The following BLTP1 variants were observed in gnomAD, a reference collection of about 807,000 sequenced individuals.
BLTP1 encodes the protein fragile site-associated protein.
At chr4:122,280,265 A>G in the BLTP1 span, 2 of 837,044 alleles carry the variant, frequency 2.4e-6, no homozygotes, top group Non-Finnish European at 2.9e-6. Context: ...ACTAATAAAA[A>G]GCAAATTGGT....
the BLTP1 span, among the ~76,000 whole-genome samples, chr4:122,175,574 AT>A: frequency 6.6e-6 from 1 of 152,310 alleles, no homozygotes; most frequent in Non-Finnish European, 1.5e-5. Context: ...AGAATATGAT[AT>A]TTCAAAACAT....
chr4:122,171,849 C>G, the BLTP1 span: 1 of 983,802 alleles, frequency 1.0e-6, no homozygotes, highest in African/African-American at 1.8e-5. Context: ...TGTTTAATCC[C>G]TCTGTTTTAC....
chr4:122,317,819 C>T, the BLTP1 span, among the ~76,000 whole-genome samples: 1 of 152,092 alleles, frequency 6.6e-6, no homozygotes, highest in African/African-American at 2.4e-5. Flanking sequence ...TATACCTTTC[C>T]TCCAAAATCG....
the BLTP1 span, chr4:122,348,409 A>G: frequency 1.3e-5 from 3 of 231,416 alleles, no homozygotes; most frequent in African/African-American, 7.0e-5. Context: ...AGTGGTAACT[A>G]TTATTTTAGA....
the BLTP1 span, chr4:122,162,745 ACTGGGAGT>A: frequency 1.8e-6 from 1 of 550,846 alleles, no homozygotes; most frequent in Non-Finnish European, 2.3e-6. Context: ...CAAAAAAAAA[ACTGGGAGT>A]AATAAGAAGA....
chr4:122,336,812 A>C, the BLTP1 span: 3 of 1,483,496 alleles, frequency 2.0e-6, no homozygotes, highest in Non-Finnish European at 2.7e-6. Context: ...TAGTATAAAC[A>C]ATAAGGATCT....
the BLTP1 span, chr4:122,292,683 G>A: frequency 2.8e-6 from 2 of 718,422 alleles, no homozygotes; most frequent in Non-Finnish European, 1.7e-6. Context: ...TGAATATTAA[G>A]AAAATGGAAA....
At chr4:122,252,520 C>T in the BLTP1 span, among the ~76,000 whole-genome samples, 2 of 152,160 alleles carry the variant, frequency 1.3e-5, no homozygotes, top group Non-Finnish European at 2.9e-5. Flanking sequence ...TGACAGTACT[C>T]CCCATGGGCC....
At chr4:122,321,976 G>A in the BLTP1 span, among the ~76,000 whole-genome samples, 2 of 25,088 alleles carry the variant, frequency 8.0e-5, no homozygotes, top group African/African-American at 3.7e-4. Context: ...ATAACTACAT[G>A]TAATTTTTTT....
the BLTP1 span, chr4:122,271,231 G>A: frequency 6.2e-7 from 1 of 1,613,840 alleles, no homozygotes; most frequent in Non-Finnish European, 8.5e-7. Flanking sequence ...ATGTAGATAT[G>A]GCTTTGGTTC....
At chr4:122,227,116 A>G in the BLTP1 span, 1 of 721,176 alleles carries the variant, frequency 1.4e-6, no homozygotes, top group African/African-American at 1.9e-5. Context: ...GCATTATTAT[A>G]CTTGTTGGGA....
chr4:122,249,903 AC>A, the BLTP1 span: 1 of 985,092 alleles, frequency 1.0e-6, no homozygotes, highest in Non-Finnish European at 1.2e-6. Context: ...AGCTTGAAAA[AC>A]AACAATATGT....
chr4:122,207,187 A>T, the BLTP1 span: 1 of 1,612,116 alleles, frequency 6.2e-7, no homozygotes, highest in African/African-American at 1.3e-5. Flanking sequence ...TTTTAAAATC[A>T]TGTTTCATCA....
At chr4:122,210,810 T>C in the BLTP1 span, 1 of 1,541,630 alleles carries the variant, frequency 6.5e-7, no homozygotes, top group South Asian at 1.3e-5. Context: ...TAGTGAATAT[T>C]TCCTTGAAGA....
At chr4:122,167,662 G>A in the BLTP1 span, 1,627 of 985,314 alleles carry the variant, frequency 1.7e-3, 8 homozygotes, top group Admixed American at 2.2e-3. Flanking sequence ...ATCTCACTCT[G>A]GTTTTGACAC....
chr4:122,344,919 T>G, the BLTP1 span: 3 of 985,326 alleles, frequency 3.0e-6, no homozygotes, highest in Non-Finnish European at 3.6e-6. Flanking sequence ...TTAAAAATGT[T>G]TACTTGATGT....
the BLTP1 span, chr4:122,333,605 A>T: frequency 1.9e-6 from 3 of 1,561,008 alleles, no homozygotes; most frequent in Non-Finnish European, 2.6e-6. Flanking sequence ...TTTTAAAAAG[A>T]TAAGAACATT....
chr4:122,348,777 G>C, the BLTP1 span: 1 of 1,150,654 alleles, frequency 8.7e-7, no homozygotes, highest in South Asian at 1.6e-5. Flanking sequence ...TTCTTCTACT[G>C]TAGTAAAGAT....
chr4:122,236,787 G>T, the BLTP1 span: 1 of 976,408 alleles, frequency 1.0e-6, no homozygotes, highest in Non-Finnish European at 1.2e-6. Flanking sequence ...TGTGTAATAG[G>T]AAGTGTCTGT....
Sources: allele counts gnomAD v4.1 joint callset (sites outside exome capture counted in the v4.1 genomes callset), GRCh38; gene constraint gnomAD v4.1.1; transcripts MANE v1.5; gene names NCBI Gene and HGNC (gene_info 2026-07-23, HGNC 2026-07-21).